The following RIPOR3 variants were observed in gnomAD, a reference collection of about 807,000 sequenced individuals.
The protein encoded by RIPOR3 is RIPOR family member 3, also known as family with sequence similarity 65 member C.
A neutral mutation model predicts 114.3 loss-of-function variants in RIPOR3; 95 were observed. That is an observed-to-expected ratio of 0.83 (90% CI 0.70 to 0.99). RIPOR3 has a LOEUF of 0.99. RIPOR3 is among the 50% of genes least tolerant of loss of function. RIPOR3 has a pLI of 0.00. For synonymous variants in RIPOR3, 575 were observed against 543.8 expected (o/e 1.06, Z -0.80); for missense variants, 1,252 against 1,266.9 (o/e 0.99, Z 0.18).
At chr20:50,669,022 TCACA>T (rs1181663261) in intron 1 of RIPOR3, among the ~76,000 whole-genome samples, 22 of 151,684 alleles carry the variant, frequency 1.5e-4, no homozygotes, top group Admixed American at 1.4e-3. Context: ...CACAGGACAG[TCACA>T]CACATGCACA....
chr20:50,611,166 C>T lies in RIPOR3; in HGVS notation c.372+15G>A, dbSNP rs776906328. The T allele has an allele frequency of 9.3e-6, 15 of 1,614,040 alleles. No individual in the cohort carries two copies. The highest frequency in any genetic ancestry group is 4.5e-5 in the East Asian group (2 of 44,888). On this transcript the variant is annotated intron_variant, in intron 5 of 21. Coordinates refer to ENST00000327979, the MANE Select transcript of RIPOR3 (RefSeq NM_001290268.2). ...GCCAGGCCCAGCCCACCTCACTCAC[C>T]GTATGCAGACTCACCTTGTCCAGGT...
chr20:50,657,112 C>G (rs968774164), intron 1 of RIPOR3, among the ~76,000 whole-genome samples: 1 of 152,148 alleles, frequency 6.6e-6, no homozygotes, highest in Non-Finnish European at 1.5e-5. Context: ...TGTGGCCAAG[C>G]GAGGTGGCTC....
At chr20:50,645,359 T>A (rs898899220) in intron 1 of RIPOR3, 1 of 152,220 alleles carries the variant, frequency 6.6e-6, no homozygotes, top group South Asian at 2.1e-4. Flanking sequence ...TCGCAATCCA[T>A]CCTGTGTCTG....
chr20:50,656,750 G>A lies in RIPOR3; in HGVS notation c.4-25894C>T, dbSNP rs565103295. Among the ~76,000 whole-genome samples, 10 of 152,182 alleles carry A rather than the reference G, an allele frequency of 6.6e-5. No homozygotes were observed. In the South Asian group the frequency reaches 1.9e-3, roughly 28 times the overall value. ...CCTGACCTCATGATCCGCCCACCTCGGCCTCCCAAAGTGCTGGGATTACAG... is the reference window on the plus strand; with the variant it reads ...CCTGACCTCATGATCCGCCCACCTCAGCCTCCCAAAGTGCTGGGATTACAG... On this transcript the variant is annotated intron_variant, in intron 1 of 21. Transcript: ENST00000327979.
At chr20:50,633,578 G>A (rs1004482355) in intron 1 of RIPOR3, among the ~76,000 whole-genome samples, 2 of 152,172 alleles carry the variant, frequency 1.3e-5, no homozygotes, top group African/African-American at 4.8e-5. Flanking sequence ...TAGTTGAGAC[G>A]TACTCCGGAG....
chr20:50,630,042 A>G (rs1410636050), intron 2 of RIPOR3, among the ~76,000 whole-genome samples: 1 of 151,142 alleles, frequency 6.6e-6, no homozygotes, highest in Non-Finnish European at 1.5e-5. Context: ...ATCTCGGTAC[A>G]CTGCAACCTC....
chr20:50,609,726 TG>T lies in RIPOR3; in HGVS notation c.427-5del, dbSNP rs746375763. 1.5e-6 allele frequency: 2 copies of T among 1,368,238 alleles called. No individual in the cohort carries two copies. Among genetic ancestry groups the T allele is most frequent in the Non-Finnish European group, 1.9e-6 (2 of 1,058,280 alleles). The allele number at this position is 1,368,238 out of a possible 1,614,324, so 84.8% of individuals were successfully genotyped here. On this transcript the variant is annotated splice_region_variant and splice_polypyrimidine_tract_variant and intron_variant, in intron 6 of 21. Coordinates refer to ENST00000327979, the MANE Select transcript of RIPOR3 (RefSeq NM_001290268.2). The stretch of plus-strand genomic sequence containing the variant: ...AGTCCTCGTACAGCTCATCCACCTG[TG>T]GTGGGCACACGGGCTGGTGGCGCTG...
At chr20:50,675,929 C>T in intron 1 of RIPOR3, among the ~76,000 whole-genome samples, 1 of 152,188 alleles carries the variant, frequency 6.6e-6, no homozygotes, top group East Asian at 1.9e-4. Flanking sequence ...CCTCTGGCCC[C>T]TTAAATATCC....
At chr20:50,626,540 G>T (rs2084626549) in intron 2 of RIPOR3, among the ~76,000 whole-genome samples, 1 of 152,260 alleles carries the variant, frequency 6.6e-6, no homozygotes, top group African/African-American at 2.4e-5. Context: ...ACGAGAGGCA[G>T]AGGCCTACCG....
At chr20:50,666,198 T>TTTCCTTTCCTTTCCTTTCCTTTCC (rs1491442935) in intron 1 of RIPOR3, among the ~76,000 whole-genome samples, 3 of 96,754 alleles carry the variant, frequency 3.1e-5, no homozygotes, top group African/African-American at 1.1e-4. Flanking sequence ...TTTTCTTTTC[T>TTTCCTTTCCTTTCCTTTCCTTTCC]TTTCTTTTCT....
chr20:50,604,689 A>C lies in RIPOR3; in HGVS notation c.1042T>G (p.Trp348Gly), dbSNP rs774403732. The change falls in exon 12 of 22, where the codon TGG (tryptophan) becomes GGG (glycine). Residue 348 changes from tryptophan to glycine, a missense_variant. Coordinates refer to ENST00000327979, the MANE Select transcript of RIPOR3 (RefSeq NM_001290268.2). ...AAGCTGGGGGTGCTCGGGGGTGTCC[A>C]GTTGTACAAGGAGCCCTTCCTGCTG... ...MGSRKGSLYN[W>G]TPPSTPSFRE... The C allele has an allele frequency of 6.2e-7, 1 of 1,609,286 alleles. No homozygotes were observed. The highest frequency in any genetic ancestry group is 8.5e-7 in the Non-Finnish European group (1 of 1,178,314).
chr20:50,596,285 G>T, intron 14 of RIPOR3, 22 bp from the exon 15 acceptor site: 1 of 1,613,992 alleles, frequency 6.2e-7, no homozygotes, highest in Non-Finnish European at 8.5e-7. Context: ...TGAGAACTGG[G>T]TGACCATTCC....
At chr20:50,632,816 G>C (rs921218957) in intron 1 of RIPOR3, among the ~76,000 whole-genome samples, 1 of 152,246 alleles carries the variant, frequency 6.6e-6, no homozygotes, top group African/African-American at 2.4e-5. Context: ...CAGGGCACCT[G>C]AGCACTGGGT....
At chr20:50,592,879 C>T (rs1224242521) in intron 18 of RIPOR3, among the ~76,000 whole-genome samples, 156 bp downstream of exon 18, 1 of 152,216 alleles carries the variant, frequency 6.6e-6, no homozygotes, top group Admixed American at 6.5e-5. Flanking sequence ...ATATCAGCCC[C>T]CATCGGCTGA....
chr20:50,594,529 A>G (rs2083223162), intron 17 of RIPOR3, 24 bp downstream of exon 17: 4 of 1,601,748 alleles, frequency 2.5e-6, no homozygotes, highest in Non-Finnish European at 3.4e-6. Flanking sequence ...GTGGGAGGGG[A>G]CGACAGGACA....
chr20:50,613,909 C>A (rs2084063718), intron 4 of RIPOR3, among the ~76,000 whole-genome samples: 1 of 152,150 alleles, frequency 6.6e-6, no homozygotes, highest in African/African-American at 2.4e-5. Context: ...CCTTTCCCTC[C>A]CCAAGTCCCT....
intron 1 of RIPOR3, among the ~76,000 whole-genome samples, chr20:50,645,066 T>G (rs2085355448): frequency 2.0e-5 from 3 of 152,072 alleles, no homozygotes; most frequent in Admixed American, 2.0e-4. Flanking sequence ...GGTCTCAAAC[T>G]CCTGACCTCA....
chr20:50,589,039 G>A (rs1410529234), intron 20 of RIPOR3, among the ~76,000 whole-genome samples: 6 of 132,962 alleles, frequency 4.5e-5, no homozygotes, highest in Non-Finnish European at 7.7e-5. Context: ...CCGAGATCGC[G>A]CCACTGCACT....
At chr20:50,640,248 G>A (rs1456671447) in intron 1 of RIPOR3, among the ~76,000 whole-genome samples, 1 of 152,002 alleles carries the variant, frequency 6.6e-6, no homozygotes, top group African/African-American at 2.4e-5. Flanking sequence ...CACCAGCCTA[G>A]GATGTGCACA....
Sources: gnomAD v4.1 joint callset for allele counts (sites outside exome capture counted in the v4.1 genomes callset) on GRCh38, gnomAD v4.1.1 for gene constraint, MANE v1.5 for transcripts, NCBI Gene and HGNC (gene_info 2026-07-23, HGNC 2026-07-21) for gene names.